Variants in ZNF385B observed in about 807,000 individuals in gnomAD.
ZNF385B encodes zinc finger protein 533.
Under a neutral mutation model 39.2 loss-of-function variants are expected in ZNF385B, and 23 were observed. The ratio of observed to expected loss-of-function variants is 0.59; its 90% confidence interval spans 0.42 to 0.83. The LOEUF is 0.83. Among genes scored for constraint, ZNF385B ranks in the 40% least tolerant of loss-of-function variants. The pLI is 0.00. For missense variants in ZNF385B, 552 were observed against 598.9 expected, an observed-to-expected ratio of 0.92 and a Z score of 0.82; for synonymous variants, 205 against 222.6, an observed-to-expected ratio of 0.92 and a Z score of 0.70.
chr2:179,765,558 T>C (rs1703638916), intron 3 of ZNF385B, among the ~76,000 whole-genome samples: 1 of 152,202 alleles, frequency 6.6e-6, no homozygotes, highest in African/African-American at 2.4e-5. Context: ...AGGTATTTCT[T>C]TGCTGTGGTA....
intron 3 of ZNF385B, among the ~76,000 whole-genome samples, chr2:179,596,476 G>A (rs1466171980): frequency 6.6e-6 from 1 of 152,148 alleles, no homozygotes; most frequent in Non-Finnish European, 1.5e-5. Flanking sequence ...ATGACACAGA[G>A]ATGTTCTCTA....
chr2:179,461,341 T>G (rs547326967), intron 6 of ZNF385B, among the ~76,000 whole-genome samples: 162 of 152,316 alleles, frequency 1.1e-3, no homozygotes, highest in African/African-American at 3.1e-3. Context: ...AAGAAACGAC[T>G]GCAGTTGCCC....
chr2:179,807,893 TGAAA>T (rs139866166), intron 1 of ZNF385B, among the ~76,000 whole-genome samples: 11,226 of 123,418 alleles, frequency 0.091, 607 homozygotes, highest in East Asian at 0.17. Flanking sequence ...AGACTCCGTC[TGAAA>T]GAAAGAAAGA....
intron 6 of ZNF385B, among the ~76,000 whole-genome samples, chr2:179,451,722 T>A (rs2050174966): frequency 6.6e-6 from 1 of 152,104 alleles, no homozygotes; most frequent in African/African-American, 2.4e-5. Context: ...ATTTGAAAAG[T>A]CACTGATATA....
chr2:179,735,098 T>C (rs189873281), intron 3 of ZNF385B, among the ~76,000 whole-genome samples: 25 of 152,056 alleles, frequency 1.6e-4, no homozygotes, highest in Non-Finnish European at 2.6e-4. Flanking sequence ...ACAGGCAACC[T>C]ACAGAATGGG....
intron 4 of ZNF385B, among the ~76,000 whole-genome samples, chr2:179,520,410 CTGAT>C (rs1360231257): frequency 1.3e-5 from 2 of 152,014 alleles, no homozygotes; most frequent in African/African-American, 4.8e-5. Flanking sequence ...AAGGTCATAA[CTGAT>C]TGTATTAAAT....
At chr2:179,798,668 TTC>T (rs957392633) in intron 1 of ZNF385B, among the ~76,000 whole-genome samples, 3 of 152,074 alleles carry the variant, frequency 2.0e-5, no homozygotes, top group Non-Finnish European at 4.4e-5. Context: ...ATAATTTAAA[TTC>T]TTTTTACCTT....
intron 3 of ZNF385B, among the ~76,000 whole-genome samples, chr2:179,551,651 C>T (rs1420073776): frequency 6.6e-6 from 1 of 152,114 alleles, no homozygotes; most frequent in Non-Finnish European, 1.5e-5. Context: ...GAATATCCCA[C>T]CACTTGATTA....
At chr2:179,553,935 A>G (rs1313127457) in intron 3 of ZNF385B, among the ~76,000 whole-genome samples, 1 of 149,000 alleles carries the variant, frequency 6.7e-6, no homozygotes, top group Non-Finnish European at 1.5e-5. Context: ...AACTCAGCAG[A>G]CAGATATGTT....
intron 3 of ZNF385B, among the ~76,000 whole-genome samples, chr2:179,620,434 C>T (rs1690115634): frequency 6.6e-6 from 1 of 152,092 alleles, no homozygotes; most frequent in South Asian, 2.1e-4. Flanking sequence ...GCCTGACATA[C>T]AATTAGTCAT....
chr2:179,819,177 T>C (rs1559223375), intron 1 of ZNF385B, among the ~76,000 whole-genome samples: 1 of 152,170 alleles, frequency 6.6e-6, no homozygotes, highest in Non-Finnish European at 1.5e-5. Flanking sequence ...TTATTTGGTA[T>C]TCCATACCCT....
At chr2:179,524,363 T>A (rs187300709) in intron 4 of ZNF385B, among the ~76,000 whole-genome samples, 24 of 151,638 alleles carry the variant, frequency 1.6e-4, no homozygotes, top group African/African-American at 5.8e-4. Context: ...CAATCCTGGC[T>A]AACAAGGTAA....
At chr2:179,515,782 C>T (rs1283341474) in intron 5 of ZNF385B, among the ~76,000 whole-genome samples, 1 of 151,996 alleles carries the variant, frequency 6.6e-6, no homozygotes, top group East Asian at 1.9e-4. Context: ...CTAAGGTATA[C>T]TCTATATATA....
rs549681708 is a variant in ZNF385B at position 179,776,525 on chromosome 2, G to A, written c.-154-5853C>T. Among the ~76,000 whole-genome samples, 22 of 152,180 alleles carry A rather than the reference G, an allele frequency of 1.4e-4. No homozygotes were observed. The South Asian group carries it at 2.3e-3, about 16-fold the overall frequency. ...GAATTATCCTCTTGTATAACATCCC[G>A]CACCTTTTAAAAAAATCTTCAAACC... is the stretch of plus-strand genomic sequence containing the variant. On this transcript the variant is annotated intron_variant, in intron 1 of 9. Transcript: ENST00000410066.
intron 6 of ZNF385B, among the ~76,000 whole-genome samples, chr2:179,472,762 C>T (rs1029328345): frequency 1.3e-5 from 2 of 152,112 alleles, no homozygotes; most frequent in African/African-American, 4.8e-5. Context: ...GATCATACCC[C>T]CCCTCCCTAG....
intron 3 of ZNF385B, among the ~76,000 whole-genome samples, chr2:179,651,871 C>T (rs190976047): frequency 2.8e-4 from 42 of 152,250 alleles, no homozygotes; most frequent in African/African-American, 7.9e-4. Flanking sequence ...GTGCTCCTAA[C>T]GGAAAATGGC....
chr2:179,797,719 T>G (rs1705759787), intron 1 of ZNF385B, among the ~76,000 whole-genome samples: 2 of 152,164 alleles, frequency 1.3e-5, no homozygotes, highest in African/African-American at 4.8e-5. Flanking sequence ...CTTTTCCTTC[T>G]GAAAACCGAT....
At chr2:179,548,748 T>C (rs1426150356) in intron 3 of ZNF385B, among the ~76,000 whole-genome samples, 1 of 149,076 alleles carries the variant, frequency 6.7e-6, no homozygotes, top group African/African-American at 2.5e-5. Flanking sequence ...ATGAGACTTA[T>C]TCACTATCAC....
intron 1 of ZNF385B, among the ~76,000 whole-genome samples, chr2:179,849,015 C>T (rs1047405251): frequency 2.6e-5 from 4 of 152,140 alleles, no homozygotes; most frequent in East Asian, 1.9e-4. Flanking sequence ...CTATGAGATA[C>T]ATAATATTGT....
Sources: allele counts gnomAD v4.1 joint callset (sites outside exome capture counted in the v4.1 genomes callset), GRCh38; gene constraint gnomAD v4.1.1; transcripts MANE v1.5; gene names NCBI Gene and HGNC (gene_info 2026-07-23, HGNC 2026-07-21).